Variants in SMC5 observed in about 807,000 individuals in gnomAD.
SMC5 encodes the protein structural maintenance of chromosomes protein 5.
Under a neutral mutation model 148.3 loss-of-function variants are expected in SMC5, and 88 were observed. That is an observed-to-expected ratio of 0.59 (90% CI 0.50 to 0.71). The LOEUF is 0.71. Among genes scored for constraint, SMC5 ranks in the 30% least tolerant of loss-of-function variants. The probability of loss-of-function intolerance (pLI) is 0.00; values close to 1 mark genes in which losing one functional copy is unlikely to be tolerated. For synonymous variants in SMC5, 421 were observed against 432.8 expected (o/e 0.97, Z 0.34); for missense variants, 1,142 against 1,298.9 (o/e 0.88, Z 1.86).
At chr9:70,319,248 A>G (rs971922679) in intron 15 of SMC5, among the ~76,000 whole-genome samples, 2 of 152,144 alleles carry the variant, frequency 1.3e-5, no homozygotes, top group East Asian at 3.8e-4. Context: ...ATTTATTGAT[A>G]TTTACCATAT....
At chr9:70,337,593 C>A (rs892121701) in intron 17 of SMC5, among the ~76,000 whole-genome samples, 1 of 151,644 alleles carries the variant, frequency 6.6e-6, no homozygotes, top group Non-Finnish European at 1.5e-5. Flanking sequence ...ATAGCTGGGA[C>A]TACAGGCGAG....
At chr9:70,314,207 A>G (rs7020512) in intron 11 of SMC5, among the ~76,000 whole-genome samples, 2,496 of 152,208 alleles carry the variant, frequency 0.016, 67 homozygotes, top group African/African-American at 0.056. Context: ...CCAGCCAGAA[A>G]GACTGCAGCT....
intron 3 of SMC5, among the ~76,000 whole-genome samples, chr9:70,276,137 A>T (rs1235362308): frequency 6.6e-6 from 1 of 152,214 alleles, no homozygotes; most frequent in Non-Finnish European, 1.5e-5. Flanking sequence ...CAATGTACAG[A>T]ATTCTCAGCT....
chr9:70,282,051 T>TC lies in SMC5; in HGVS notation c.820-371_820-370insC, dbSNP rs55989839. 5.9e-4 allele frequency among the ~76,000 whole-genome samples: 88 copies of TC among 148,662 alleles called. 1 individual carries two copies. Among genetic ancestry groups the TC allele is most frequent in the Non-Finnish European group, 9.1e-4 (61 of 67,212 alleles). On this transcript the variant is annotated intron_variant, in intron 6 of 24. Coordinates refer to ENST00000361138, the MANE Select transcript of SMC5 (RefSeq NM_015110.4). ...CCATTTTCATTTTGTTTTTTTTTTT[T>TC]ATTTTTACCCTTTATACTTGAGTTT...
intron 6 of SMC5, among the ~76,000 whole-genome samples, chr9:70,281,810 G>A (rs1049505672): frequency 3.3e-5 from 5 of 151,080 alleles, no homozygotes; most frequent in African/African-American, 1.2e-4. Context: ...TTTGTCTTTT[G>A]ATTTTCCTTA....
intron 4 of SMC5, among the ~76,000 whole-genome samples, chr9:70,277,807 A>G (rs1411114675): frequency 6.6e-6 from 1 of 152,050 alleles, no homozygotes; most frequent in Non-Finnish European, 1.5e-5. Context: ...GTTCGTATAC[A>G]TTATACATAT....
At chr9:70,274,635 CCTGT>C (rs1230261117) in intron 3 of SMC5, among the ~76,000 whole-genome samples, 1 of 151,564 alleles carries the variant, frequency 6.6e-6, no homozygotes, top group Non-Finnish European at 1.5e-5. Context: ...ACTTATTTTT[CCTGT>C]CTTATTCTCT....
chr9:70,281,118 A>G (rs1177584157), intron 6 of SMC5, among the ~76,000 whole-genome samples: 2 of 151,272 alleles, frequency 1.3e-5, no homozygotes, highest in Non-Finnish European at 2.9e-5. Flanking sequence ...GCTCACTGCA[A>G]CCTCTGCCTC....
chr9:70,345,859 AT>A (rs1340399258), intron 18 of SMC5, among the ~76,000 whole-genome samples: 2 of 152,144 alleles, frequency 1.3e-5, no homozygotes, highest in Non-Finnish European at 2.9e-5. Flanking sequence ...TTAGAAGGTC[AT>A]TTCTTTGGAC....
At chr9:70,315,328 C>A in intron 12 of SMC5, 118 bp from the exon 13 acceptor site, 1 of 574,916 alleles carries the variant, frequency 1.7e-6, no homozygotes, top group Non-Finnish European at 2.8e-6. Flanking sequence ...AAGACTTGTC[C>A]TGTGTCATTG....
intron 10 of SMC5, among the ~76,000 whole-genome samples, chr9:70,303,613 G>A (rs974735623): frequency 2.6e-5 from 4 of 152,124 alleles, no homozygotes; most frequent in African/African-American, 9.7e-5. Flanking sequence ...GACAAGCACT[G>A]TACTATTATT....
At position 70,351,846 on chromosome 9, in the gene SMC5, C is replaced by T. The variant is rs369307461; in HGVS notation, c.3166-345C>T. ...ATCTCAGCACTTTGGGAAGCCAAGG[C>T]GGGCAGATCACCTGAGGTCAGGAGT... On this transcript the variant is annotated intron_variant, in intron 24 of 24. Transcript: ENST00000361138. Among the ~76,000 whole-genome samples, 17 of 152,156 alleles carry T rather than the reference C, an allele frequency of 1.1e-4. 1 individual carries two copies. Among genetic ancestry groups the T allele is most frequent in the East Asian group, 5.8e-4 (3 of 5,176 alleles).
chr9:70,303,692 A>G lies in SMC5; in HGVS notation c.1465-1555A>G, dbSNP rs191785884. Among the ~76,000 whole-genome samples the G allele has an allele frequency of 3.9e-5, 6 of 152,328 alleles. No homozygotes were observed. The East Asian group carries it at 1.2e-3, about 29-fold the overall frequency. ...TAAACTGTTTTACTATGTCCATCTT[A>G]CAGATGAAAGTAATGAAAGCTTTTG... On this transcript the variant is annotated intron_variant, in intron 10 of 24. Transcript: ENST00000361138.
At chr9:70,325,150 T>A (rs1362241567) in intron 17 of SMC5, among the ~76,000 whole-genome samples, 1 of 152,220 alleles carries the variant, frequency 6.6e-6, no homozygotes, top group Non-Finnish European at 1.5e-5. Flanking sequence ...ATTGCTCAAA[T>A]CATACAGTTG....
intron 8 of SMC5, among the ~76,000 whole-genome samples, chr9:70,293,754 A>G (rs1454342850): frequency 6.6e-6 from 1 of 152,192 alleles, no homozygotes; most frequent in Non-Finnish European, 1.5e-5. Context: ...GGCTACTGCC[A>G]GTAGATCTGC....
intron 11 of SMC5, among the ~76,000 whole-genome samples, chr9:70,306,435 G>A (rs570510373): frequency 8.5e-5 from 13 of 152,108 alleles, no homozygotes; most frequent in Admixed American, 2.6e-4. Flanking sequence ...TGGATAAAAA[G>A]GTTGGATGTA....
At chr9:70,268,033 T>G in intron 3 of SMC5, 58 bp downstream of exon 3, 1 of 1,342,946 alleles carries the variant, frequency 7.4e-7, no homozygotes, top group Non-Finnish European at 1.0e-6. Flanking sequence ...TTTATATTCA[T>G]GTTTTCCTGA....
At chr9:70,337,496 C>T (rs1432815463) in intron 17 of SMC5, among the ~76,000 whole-genome samples, 3 of 145,920 alleles carry the variant, frequency 2.1e-5, no homozygotes, top group Non-Finnish European at 4.4e-5. Flanking sequence ...TGCTCTGTCA[C>T]CGAGGCTGGA....
intron 15 of SMC5, among the ~76,000 whole-genome samples, chr9:70,319,796 G>C (rs1330954550): frequency 9.2e-5 from 14 of 152,162 alleles, no homozygotes; most frequent in Admixed American, 9.2e-4. Context: ...GGTTCATCAA[G>C]TCACATAGAT....
Sources: allele counts gnomAD v4.1 joint callset (sites outside exome capture counted in the v4.1 genomes callset), GRCh38; gene constraint gnomAD v4.1.1; transcripts MANE v1.5; gene names NCBI Gene and HGNC (gene_info 2026-07-23, HGNC 2026-07-21).